The following PCDHA8 variants were observed in gnomAD, a reference collection of about 807,000 sequenced individuals.
PCDHA8 encodes protocadherin alpha-8.
A neutral mutation model predicts 61.8 loss-of-function variants in PCDHA8; 53 were observed. That is an observed-to-expected ratio of 0.86 (90% CI 0.69 to 1.08). PCDHA8 has a LOEUF of 1.08. Among genes scored for constraint, PCDHA8 ranks in the 50% least tolerant of loss-of-function variants. The pLI is 0.00. For missense variants in PCDHA8, 1,293 were observed against 1,245.0 expected (o/e 1.04, Z -0.58); for synonymous variants, 618 against 556.6 (o/e 1.11, Z -1.55).
intron 1 of PCDHA8, chr5:140,870,564 G>T (rs782511789): frequency 1.2e-6 from 2 of 1,613,884 alleles, no homozygotes; most frequent in Non-Finnish European, 1.7e-6. Context: ...AGGAGAACGC[G>T]CTGGTGTCCT....
At chr5:140,929,721 ATTTACT>A (rs1474734727) in intron 1 of PCDHA8, 3 of 222,378 alleles carry the variant, frequency 1.3e-5, no homozygotes, top group African/African-American at 4.6e-5. Flanking sequence ...AAGGTGAAAC[ATTTACT>A]TAAACTATTG....
At chr5:140,860,132 T>C (rs2150486737) in intron 1 of PCDHA8, 1 of 150,816 alleles carries the variant, frequency 6.6e-6, no homozygotes, top group East Asian at 1.9e-4. Flanking sequence ...TGTGTGTGTG[T>C]GTATATATAT....
intron 1 of PCDHA8, chr5:140,968,773 A>G (rs528972800): frequency 4.3e-6 from 7 of 1,614,206 alleles, no homozygotes; most frequent in Non-Finnish European, 5.1e-6. Flanking sequence ...GAGAGCCATC[A>G]CTATCAGCCT....
At position 140,842,916 on chromosome 5, in the gene PCDHA8, A is replaced by G; in HGVS notation, c.1595A>G (p.Gln532Arg). The G allele has an allele frequency of 6.3e-7, 1 of 1,594,694 alleles. No individual in the cohort carries two copies. The highest frequency in any genetic ancestry group is 1.1e-5 in the South Asian group (1 of 90,476). Residue 532 changes from glutamine (Q) to arginine (R), a missense_variant, in exon 1 of 4, where the codon CAG becomes CGG. Coordinates refer to ENST00000531613, the MANE Select transcript of PCDHA8 (RefSeq NM_018911.3). Reference sequence around the variant, plus strand: ...GACCACGAGGAGCTAGAGCTGCTGCAGTTCCAGGTGAGCGCGCGCGACGCG... The same window carrying G: ...GACCACGAGGAGCTAGAGCTGCTGCGGTTCCAGGTGAGCGCGCGCGACGCG... ...PLDHEELELLQFQVSARDAGV... is the reference protein window; with the variant it reads ...PLDHEELELLRFQVSARDAGV...
intron 2 of PCDHA8, chr5:140,982,217 C>T (rs1257918481): frequency 3.9e-6 from 2 of 507,664 alleles, no homozygotes; most frequent in Non-Finnish European, 6.2e-6. Context: ...CGCCACATGG[C>T]GTTAATAAAA....
intron 1 of PCDHA8, among the ~76,000 whole-genome samples, chr5:140,887,272 AT>A (rs2061386056): frequency 6.6e-6 from 1 of 151,690 alleles, no homozygotes; most frequent in South Asian, 2.1e-4. Context: ...AATTTTTTGT[AT>A]TTTTAGTAGA....
At chr5:140,968,397 A>G in intron 1 of PCDHA8, 7 of 1,613,892 alleles carry the variant, frequency 4.3e-6, no homozygotes, top group Non-Finnish European at 5.9e-6. Context: ...AAGTTTCGGG[A>G]GTTCTTTGTG....
At chr5:140,953,025 G>A (rs1408416785) in intron 1 of PCDHA8, among the ~76,000 whole-genome samples, 9 of 152,024 alleles carry the variant, frequency 5.9e-5, no homozygotes, top group African/African-American at 1.9e-4. Flanking sequence ...ACATTAAGGG[G>A]GAAATCCACC....
At chr5:140,966,395 T>A in intron 1 of PCDHA8, 1 of 404,602 alleles carries the variant, frequency 2.5e-6, no homozygotes, top group Non-Finnish European at 4.3e-6. Flanking sequence ...GTCCGCCACT[T>A]CGGCGCGGAA....
At chr5:140,967,282 GC>G in intron 1 of PCDHA8, 1 of 1,613,078 alleles carries the variant, frequency 6.2e-7, no homozygotes, top group Non-Finnish European at 8.5e-7. Flanking sequence ...TAGAGAGTGC[GC>G]AGGACCCCGA....
At position 140,876,146 on chromosome 5, in the gene PCDHA8, C is replaced by G. The variant is rs75398909; in HGVS notation, c.2394+32431C>G. The G allele has an allele frequency of 1.6e-3, 2,650 of 1,613,952 alleles. 40 individuals carry two copies. In the African/African-American group the frequency reaches 0.028, roughly 17 times the overall value. ...GGCGGTAAACCAGAACTAACAGGGT[C>G]TGTCCAGATTCAAATAACCGTCCTG... On this transcript the variant is annotated intron_variant, in intron 1 of 3. Coordinates refer to ENST00000531613, the MANE Select transcript of PCDHA8 (RefSeq NM_018911.3).
chr5:140,855,412 A>T (rs2043457321), intron 1 of PCDHA8, among the ~76,000 whole-genome samples: 1 of 149,990 alleles, frequency 6.7e-6, no homozygotes, highest in South Asian at 2.1e-4. Context: ...GAAGCTAATG[A>T]TCTCTAAATT....
chr5:140,961,438 A>G (rs888082906), intron 1 of PCDHA8, among the ~76,000 whole-genome samples: 2 of 152,194 alleles, frequency 1.3e-5, no homozygotes, highest in South Asian at 4.1e-4. Context: ...AAAATCACCT[A>G]ACTACACTGT....
intron 1 of PCDHA8, among the ~76,000 whole-genome samples, chr5:140,903,475 A>C (rs1186809574): frequency 6.6e-6 from 1 of 152,220 alleles, no homozygotes; most frequent in African/African-American, 2.4e-5. Flanking sequence ...TATTCCTTGC[A>C]TTATAGTTCT....
intron 1 of PCDHA8, among the ~76,000 whole-genome samples, chr5:140,918,473 T>A (rs1385942505): frequency 6.6e-6 from 1 of 152,166 alleles, no homozygotes; most frequent in African/African-American, 2.4e-5. Context: ...ATTCCAAGTC[T>A]CAAGGGGAAT....
intron 1 of PCDHA8, chr5:140,857,029 A>G: frequency 1.3e-6 from 2 of 1,596,504 alleles, no homozygotes; most frequent in Non-Finnish European, 1.7e-6. Context: ...AGGGAAACCC[A>G]CCTATGGTTG....
intron 1 of PCDHA8, among the ~76,000 whole-genome samples, chr5:140,890,494 C>A (rs1554184398): frequency 1.3e-5 from 2 of 152,064 alleles, no homozygotes; most frequent in South Asian, 4.1e-4. Context: ...TTTGTCTCAC[C>A]ATTTTTATGT....
intron 1 of PCDHA8, chr5:140,871,155 C>A (rs782509939): frequency 3.0e-5 from 48 of 1,613,366 alleles, no homozygotes; most frequent in Non-Finnish European, 3.9e-5. Context: ...CTTTGGCGGG[C>A]GCCGCGAGCC....
intron 1 of PCDHA8, among the ~76,000 whole-genome samples, chr5:140,901,492 C>T (rs548353886): frequency 1.3e-5 from 2 of 152,234 alleles, no homozygotes; most frequent in South Asian, 2.1e-4. Flanking sequence ...GCACCTTCAT[C>T]GAAAATGAGT....
Sources: allele counts gnomAD v4.1 joint callset (sites outside exome capture counted in the v4.1 genomes callset), GRCh38; gene constraint gnomAD v4.1.1; transcripts MANE v1.5; gene names NCBI Gene and HGNC (gene_info 2026-07-23, HGNC 2026-07-21).